TRAPPC12: variants seen among roughly 807,000 people sequenced by gnomAD.
The protein encoded by TRAPPC12 is trafficking protein particle complex subunit 12, also known as TPR repeat protein 15.
In TRAPPC12, 61 loss-of-function variants were observed where a neutral mutation model predicts 69.2. The ratio of observed to expected loss-of-function variants is 0.88; its 90% CI spans 0.72 to 1.09. The LOEUF is 1.09. Ranked by LOEUF, TRAPPC12 falls within the 50% of genes least tolerant of loss-of-function variation. TRAPPC12 has a pLI of 0.00. For synonymous variants in TRAPPC12, 469 were observed against 438.9 expected (o/e 1.07, Z -0.86); for missense variants, 1,101 against 1,016.4 (o/e 1.08, Z -1.13).
At chr2:3,427,094 T>C (rs1663145720) in intron 5 of TRAPPC12, among the ~76,000 whole-genome samples, 1 of 152,220 alleles carries the variant, frequency 6.6e-6, no homozygotes, top group Non-Finnish European at 1.5e-5. Flanking sequence ...TTGAGGGTGT[T>C]TCTGTTTAAT....
chr2:3,395,560 C>CTTTTTTTTTTTTTTTTTTTTTTTTTTT (rs10671671), intron 2 of TRAPPC12, among the ~76,000 whole-genome samples: 1 of 118,148 alleles, frequency 8.5e-6, no homozygotes, highest in Non-Finnish European at 1.7e-5. Context: ...AAAATTATTA[C>CTTTTTTTTTTTTTTTTTTTTTTTTTTT]TTTTTTTTTT....
intron 1 of TRAPPC12, among the ~76,000 whole-genome samples, chr2:3,385,603 G>A (rs2103422485): frequency 6.6e-6 from 1 of 152,252 alleles, no homozygotes; most frequent in East Asian, 1.9e-4. Context: ...TCTTTAAAAA[G>A]TTTCTTCACA....
chr2:3,382,056 A>C (rs954244766), intron 1 of TRAPPC12, among the ~76,000 whole-genome samples: 2 of 151,594 alleles, frequency 1.3e-5, no homozygotes, highest in Non-Finnish European at 2.9e-5. Context: ...CCACTATTTT[A>C]ATATTTTATG....
At chr2:3,464,608 G>T (rs992219946) in intron 8 of TRAPPC12, among the ~76,000 whole-genome samples, 1 of 152,222 alleles carries the variant, frequency 6.6e-6, no homozygotes, top group Non-Finnish European at 1.5e-5. Flanking sequence ...GAATGCAGGG[G>T]AGCATTTAGT....
intron 5 of TRAPPC12, among the ~76,000 whole-genome samples, chr2:3,440,957 T>C (rs145379352): frequency 8.5e-5 from 13 of 152,346 alleles, no homozygotes; most frequent in Admixed American, 4.6e-4. Flanking sequence ...ATTATGTTAA[T>C]TGATTTTGGA....
intron 6 of TRAPPC12, among the ~76,000 whole-genome samples, chr2:3,446,149 T>A (rs1664495855): frequency 6.6e-6 from 1 of 152,216 alleles, no homozygotes; most frequent in African/African-American, 2.4e-5. Flanking sequence ...TCCACCTGCC[T>A]CTCATCTTGT....
At chr2:3,394,781 A>G (rs1394304313) in intron 2 of TRAPPC12, among the ~76,000 whole-genome samples, 1 of 152,154 alleles carries the variant, frequency 6.6e-6, no homozygotes, top group Non-Finnish European at 1.5e-5. Flanking sequence ...TGCGTATGTA[A>G]GAATTATCCA....
intron 7 of TRAPPC12, chr2:3,458,238 C>G: frequency 1.0e-6 from 1 of 987,912 alleles, no homozygotes; most frequent in Non-Finnish European, 1.2e-6. Context: ...GCCATGCCAG[C>G]TGCAGCTCGG....
intron 2 of TRAPPC12, among the ~76,000 whole-genome samples, chr2:3,394,704 G>T (rs1289334230): frequency 6.6e-6 from 1 of 152,104 alleles, no homozygotes; most frequent in Admixed American, 6.6e-5. Context: ...AGCACCAAAA[G>T]TCTTGAATCT....
At chr2:3,438,691 A>G (rs1246491042) in intron 5 of TRAPPC12, among the ~76,000 whole-genome samples, 2 of 151,834 alleles carry the variant, frequency 1.3e-5, no homozygotes, top group African/African-American at 4.8e-5. Context: ...ATCATACAGT[A>G]TGTGGTCCTC....
At chr2:3,385,309 T>C (rs1008976536) in intron 1 of TRAPPC12, among the ~76,000 whole-genome samples, 2 of 152,160 alleles carry the variant, frequency 1.3e-5, no homozygotes, top group Non-Finnish European at 2.9e-5. Context: ...TTTATTACTT[T>C]GGTATTTACT....
At chr2:3,403,071 A>G (rs1321765861) in intron 3 of TRAPPC12, among the ~76,000 whole-genome samples, 2 of 151,794 alleles carry the variant, frequency 1.3e-5, no homozygotes, top group African/African-American at 4.8e-5. Context: ...TGGTCCAGAC[A>G]CTCTCCATTT....
At chr2:3,421,393 T>C (rs1662776148) in intron 3 of TRAPPC12, among the ~76,000 whole-genome samples, 1 of 152,240 alleles carries the variant, frequency 6.6e-6, no homozygotes, top group Non-Finnish European at 1.5e-5. Context: ...TTTTTTCATA[T>C]TGATAAATTA....
intron 6 of TRAPPC12, among the ~76,000 whole-genome samples, chr2:3,452,990 T>A: frequency 6.6e-6 from 1 of 152,140 alleles, no homozygotes; most frequent in Non-Finnish European, 1.5e-5. Flanking sequence ...GCTAAGGAAA[T>A]AGGAATTCAG....
chr2:3,479,045 G>C (rs781772817), intron 11 of TRAPPC12, 112 bp downstream of exon 11: 81 of 1,476,442 alleles, frequency 5.5e-5, no homozygotes, highest in Non-Finnish European at 7.2e-5. Context: ...CAGTCCACCA[G>C]CTCCAGGCAG....
intron 1 of TRAPPC12, among the ~76,000 whole-genome samples, chr2:3,383,697 A>G (rs369198691): frequency 4.9e-4 from 75 of 151,766 alleles, no homozygotes; most frequent in African/African-American, 1.5e-3. Flanking sequence ...GAGCCACCGC[A>G]CCCGGCCTTC....
intron 6 of TRAPPC12, among the ~76,000 whole-genome samples, chr2:3,448,535 C>T (rs962206490): frequency 5.3e-5 from 8 of 151,860 alleles, no homozygotes; most frequent in Non-Finnish European, 7.3e-5. Context: ...GAATGTTAAA[C>T]ATGATTTCCT....
At chr2:3,417,644 C>T (rs1662497778) in intron 3 of TRAPPC12, among the ~76,000 whole-genome samples, 1 of 152,130 alleles carries the variant, frequency 6.6e-6, no homozygotes, top group Non-Finnish European at 1.5e-5. Flanking sequence ...AGTAAATGGC[C>T]ACTGAGTGAA....
intron 9 of TRAPPC12, among the ~76,000 whole-genome samples, chr2:3,466,588 C>G (rs1444558412): frequency 1.3e-5 from 2 of 152,252 alleles, no homozygotes; most frequent in African/African-American, 2.4e-5. Context: ...TCCTCTCCCC[C>G]TCCACACAGT....
Sources: allele counts gnomAD v4.1 joint callset (sites outside exome capture counted in the v4.1 genomes callset), GRCh38; gene constraint gnomAD v4.1.1; transcripts MANE v1.5; gene names NCBI Gene and HGNC (gene_info 2026-07-23, HGNC 2026-07-21).